The following BBS9 variants were observed in gnomAD, a reference collection of about 807,000 sequenced individuals.
BBS9 encodes the protein Bardet-Biedl syndrome 9.
Under a neutral mutation model 117.7 loss-of-function variants are expected in BBS9, and 89 were observed. The ratio of observed to expected loss-of-function variants is 0.76; its 90% confidence interval spans 0.64 to 0.90. BBS9 has a LOEUF of 0.90. BBS9 is among the 40% of genes least tolerant of loss of function. BBS9 has a pLI of 0.00. For synonymous variants in BBS9, 379 were observed against 370.9 expected (o/e 1.02, Z -0.25); for missense variants, 982 against 1,042.2 (o/e 0.94, Z 0.80).
chr7:33,341,045 T>C, intron 11 of BBS9, 72 bp downstream of exon 11: 2 of 1,365,150 alleles, frequency 1.5e-6, no homozygotes, highest in Non-Finnish European at 2.1e-6. Context: ...CCAAAATGCA[T>C]TGGTTTAAAG....
intron 10 of BBS9, among the ~76,000 whole-genome samples, chr7:33,338,867 G>A (rs1815929591): frequency 6.6e-6 from 1 of 152,178 alleles, no homozygotes; most frequent in Admixed American, 6.5e-5. Context: ...GCATGAGTAT[G>A]AAGGACTGGG....
At chr7:33,295,491 C>T in intron 9 of BBS9, among the ~76,000 whole-genome samples, 1 of 151,716 alleles carries the variant, frequency 6.6e-6, no homozygotes. Flanking sequence ...CTAATTCATC[C>T]CATTTCCCCC....
intron 9 of BBS9, among the ~76,000 whole-genome samples, chr7:33,301,838 T>C (rs368743996): frequency 1.8e-4 from 28 of 152,148 alleles, no homozygotes; most frequent in African/African-American, 6.5e-4. Flanking sequence ...TTTTAGTTTT[T>C]TGAGGAACCT....
intron 5 of BBS9, among the ~76,000 whole-genome samples, chr7:33,195,181 T>C (rs1267135828): frequency 6.6e-6 from 1 of 152,228 alleles, no homozygotes; most frequent in Non-Finnish European, 1.5e-5. Context: ...CATCACTGCA[T>C]ATCTAGTGTC....
intron 1 of BBS9, among the ~76,000 whole-genome samples, chr7:33,142,000 A>G (rs1301774850): frequency 2.0e-5 from 3 of 150,932 alleles, no homozygotes; most frequent in South Asian, 2.1e-4. Context: ...CAGTGGTGCT[A>G]TCTCGGCTCA....
intron 9 of BBS9, among the ~76,000 whole-genome samples, chr7:33,281,604 A>C (rs571499127): frequency 3.6e-4 from 54 of 151,702 alleles, no homozygotes; most frequent in African/African-American, 1.2e-3. Context: ...TTGAACTCCT[A>C]GCCTCAAGCC....
chr7:33,434,985 A>G lies in BBS9; in HGVS notation c.2115+46841A>G, dbSNP rs567171228. On this transcript the variant is annotated intron_variant, in intron 19 of 22. Coordinates refer to ENST00000242067, the MANE Select transcript of BBS9 (RefSeq NM_198428.3). ...TTAGCCTTCTATCATAAGGCATTTTATGCAATACTAGGAAATCTCATCTCC... is the reference window on the plus strand; with the variant it reads ...TTAGCCTTCTATCATAAGGCATTTTGTGCAATACTAGGAAATCTCATCTCC... Among the ~76,000 whole-genome samples, 4 of 152,288 alleles carry G rather than the reference A, an allele frequency of 2.6e-5. No individual in the cohort carries two copies. The East Asian group carries it at 7.7e-4, about 29-fold the overall frequency.
intron 20 of BBS9, among the ~76,000 whole-genome samples, chr7:33,513,273 A>G (rs1417389463): frequency 6.6e-6 from 1 of 152,146 alleles, no homozygotes; most frequent in Admixed American, 6.6e-5. Context: ...TAAGAAGTAA[A>G]TCAATGTTCA....
chr7:33,475,881 A>G (rs1423765950), intron 19 of BBS9, among the ~76,000 whole-genome samples: 1 of 152,208 alleles, frequency 6.6e-6, no homozygotes, highest in African/African-American at 2.4e-5. Flanking sequence ...CTTCACTGCC[A>G]AAATGTTCCA....
chr7:33,544,133 G>C (rs920003261), intron 21 of BBS9, among the ~76,000 whole-genome samples: 7 of 151,958 alleles, frequency 4.6e-5, no homozygotes, highest in African/African-American at 1.7e-4. Flanking sequence ...TCCTTGCCTT[G>C]GGCTTTGTCT....
intron 1 of BBS9, among the ~76,000 whole-genome samples, chr7:33,145,426 T>A (rs193000611): frequency 6.6e-6 from 1 of 152,080 alleles, no homozygotes; most frequent in African/African-American, 2.4e-5. Flanking sequence ...TAAGGAGAGG[T>A]TGTTTGGGTT....
intron 5 of BBS9, among the ~76,000 whole-genome samples, chr7:33,234,441 G>A (rs976516510): frequency 7.2e-5 from 11 of 151,846 alleles, no homozygotes; most frequent in East Asian, 5.8e-4. Flanking sequence ...AGCAATTAAC[G>A]TTCCATTACC....
intron 19 of BBS9, among the ~76,000 whole-genome samples, chr7:33,412,337 G>A (rs1163649595): frequency 6.6e-6 from 1 of 152,192 alleles, no homozygotes; most frequent in Non-Finnish European, 1.5e-5. Flanking sequence ...GCTTAACATA[G>A]AGCCTGGTGT....
At chr7:33,195,574 C>G (rs1784807037) in intron 5 of BBS9, among the ~76,000 whole-genome samples, 1 of 152,054 alleles carries the variant, frequency 6.6e-6, no homozygotes, top group Non-Finnish European at 1.5e-5. Flanking sequence ...AACTGTGTTT[C>G]TATAGATTAC....
At chr7:33,272,139 A>T (rs1799906457) in intron 7 of BBS9, among the ~76,000 whole-genome samples, 1 of 152,184 alleles carries the variant, frequency 6.6e-6, no homozygotes, top group Admixed American at 6.6e-5. Flanking sequence ...CTAATGCAGG[A>T]ACAGAAAACC....
intron 17 of BBS9, among the ~76,000 whole-genome samples, chr7:33,368,819 T>C (rs1822311125): frequency 6.6e-6 from 1 of 152,142 alleles, no homozygotes; most frequent in African/African-American, 2.4e-5. Context: ...ATTTAGAAAC[T>C]GTAACAATGT....
chr7:33,265,835 TCC>T (rs1340245054), intron 7 of BBS9, among the ~76,000 whole-genome samples: 2 of 152,062 alleles, frequency 1.3e-5, no homozygotes, highest in Non-Finnish European at 2.9e-5. Flanking sequence ...AGAGCAAGAC[TCC>T]GTCTCAAAAT....
intron 9 of BBS9, among the ~76,000 whole-genome samples, chr7:33,332,984 A>C (rs1272070387): frequency 6.6e-6 from 1 of 152,076 alleles, no homozygotes; most frequent in Non-Finnish European, 1.5e-5. Flanking sequence ...ACAAGACTGT[A>C]TCTCTCAACC....
At chr7:33,533,925 A>G (rs1159806151) in intron 20 of BBS9, 29 bp from the exon 21 acceptor site, 6 of 1,610,736 alleles carry the variant, frequency 3.7e-6, no homozygotes, top group Non-Finnish European at 5.1e-6. Context: ...TCATCTTTGT[A>G]TTAATTCAAA....
Sources: allele counts gnomAD v4.1 joint callset (sites outside exome capture counted in the v4.1 genomes callset), GRCh38; gene constraint gnomAD v4.1.1; transcripts MANE v1.5; gene names NCBI Gene and HGNC (gene_info 2026-07-23, HGNC 2026-07-21).